IGFBP7: variants seen among roughly 807,000 people sequenced by gnomAD.
IGFBP7 encodes insulin-like growth factor-binding protein 7.
A neutral mutation model predicts 29.4 loss-of-function variants in IGFBP7; 31 were observed. The observed-to-expected ratio is 1.05, with a 90% CI of 0.79 to 1.42. IGFBP7 has a LOEUF of 1.42. Ranked by LOEUF, IGFBP7 falls within the 40% of genes most tolerant of loss-of-function variation. The pLI, the probability that IGFBP7 is intolerant of heterozygous loss-of-function variation, is 0.00. For synonymous variants in IGFBP7, 172 were observed against 174.9 expected, an observed-to-expected ratio of 0.98 and a Z score of 0.13; for missense variants, 393 against 395.5, an observed-to-expected ratio of 0.99 and a Z score of 0.05.
chr4:57,059,482 A>G (rs1724746990), intron 1 of IGFBP7, among the ~76,000 whole-genome samples: 1 of 152,188 alleles, frequency 6.6e-6, no homozygotes, highest in African/African-American at 2.4e-5. Context: ...ATCCTCAGCA[A>G]ACTAACACAG....
intron 1 of IGFBP7, among the ~76,000 whole-genome samples, chr4:57,103,249 C>A (rs1337054074): frequency 6.6e-6 from 1 of 152,214 alleles, no homozygotes; most frequent in Non-Finnish European, 1.5e-5. Flanking sequence ...ATTCTCCCAA[C>A]AGCAGCCAAC....
chr4:57,059,367 C>T (rs6554409), intron 1 of IGFBP7, among the ~76,000 whole-genome samples: 127,234 of 152,142 alleles, frequency 0.84, 53,565 homozygotes, highest in East Asian at 0.97. Context: ...AATGACAGAT[C>T]GAATAAAGAA....
chr4:57,034,184 A>G (rs1339812654), intron 2 of IGFBP7, among the ~76,000 whole-genome samples: 3 of 152,128 alleles, frequency 2.0e-5, no homozygotes, highest in Non-Finnish European at 2.9e-5. Flanking sequence ...CAAGGCCAAT[A>G]CTGAATAGTA....
intron 1 of IGFBP7, among the ~76,000 whole-genome samples, chr4:57,076,693 G>A (rs895842853): frequency 1.3e-5 from 2 of 152,188 alleles, no homozygotes; most frequent in African/African-American, 2.4e-5. Flanking sequence ...AGAAGCCTGG[G>A]GTGGGGACAC....
intron 2 of IGFBP7, among the ~76,000 whole-genome samples, chr4:57,033,930 A>G (rs1272413707): frequency 6.6e-6 from 1 of 151,496 alleles, no homozygotes; most frequent in East Asian, 2.0e-4. Context: ...GAGCACCCGT[A>G]GTCCCAGCTA....
chr4:57,043,272 C>A (rs1724274637), intron 1 of IGFBP7, among the ~76,000 whole-genome samples: 3 of 152,184 alleles, frequency 2.0e-5, no homozygotes, highest in South Asian at 4.1e-4. Flanking sequence ...TAACCTGGCT[C>A]TTATTCCATG....
chr4:57,040,196 T>C (rs1242292830), intron 2 of IGFBP7, among the ~76,000 whole-genome samples: 1 of 152,160 alleles, frequency 6.6e-6, no homozygotes, highest in Admixed American at 6.5e-5. Context: ...CCAAGTGCCC[T>C]TAAAATGTAC....
Position 57,040,933 on chromosome 4 carries a change from C to A in IGFBP7, c.476G>T (p.Gly159Val), listed in dbSNP as rs767867200. ...TQVSKGTCEQGPSIVTPPKDI... is the reference protein window; with the variant it reads ...TQVSKGTCEQVPSIVTPPKDI... Reference sequence around the variant, plus strand: ...CTTGGGGGGCGTCACTATGGAAGGACCTGCAGGAGAGGGCACAAAGCCAAA... The same window carrying A: ...CTTGGGGGGCGTCACTATGGAAGGAACTGCAGGAGAGGGCACAAAGCCAAA... The change falls in exon 2 of 5, where the codon GGT becomes GTT. Residue 159 changes from glycine to valine, a missense_variant and splice_region_variant. Physicochemically the swap from Gly to Val is moderately radical, Grantham distance 109. Coordinates refer to ENST00000295666, the MANE Select transcript of IGFBP7 (RefSeq NM_001553.3). 1.2e-6 allele frequency: 2 copies of A among 1,607,686 alleles called. No individual in the cohort carries two copies. Among genetic ancestry groups the A allele is most frequent in the South Asian group, 1.1e-5 (1 of 90,904 alleles).
intron 1 of IGFBP7, among the ~76,000 whole-genome samples, chr4:57,105,312 C>T (rs969672447): frequency 6.6e-6 from 1 of 152,234 alleles, no homozygotes; most frequent in Non-Finnish European, 1.5e-5. Flanking sequence ...GTATCTTATT[C>T]AAGGCTACTT....
rs1030501982 is a variant in IGFBP7 at position 57,068,514 on chromosome 4, G to A, written c.476-27581C>T. Reference sequence around the variant, plus strand: ...ATGGGCCTAGAAACACATCAGTAACGGCAGAGAAAAATAAAGGAGGCTGAG... The same window carrying A: ...ATGGGCCTAGAAACACATCAGTAACAGCAGAGAAAAATAAAGGAGGCTGAG... On this transcript the variant is annotated intron_variant, in intron 1 of 4. Transcript: ENST00000295666. Among the ~76,000 whole-genome samples, 5 of 152,078 alleles carry A rather than the reference G, an allele frequency of 3.3e-5. No homozygotes were observed. In the East Asian group the frequency reaches 5.8e-4, roughly 18 times the overall value.
chr4:57,097,018 C>A (rs1725778671), intron 1 of IGFBP7, among the ~76,000 whole-genome samples: 1 of 152,076 alleles, frequency 6.6e-6, no homozygotes, highest in African/African-American at 2.4e-5. Context: ...CTTTTTCTGC[C>A]AAACTCTGTG....
Position 57,033,278 on chromosome 4 carries a change from C to T in IGFBP7, c.619G>A (p.Glu207Lys). The T allele has an allele frequency of 6.2e-7, 1 of 1,614,142 alleles. No individual in the cohort carries two copies. Among genetic ancestry groups the T allele is most frequent in the Non-Finnish European group, 8.5e-7 (1 of 1,179,968 alleles). The change falls in exon 3 of 5, where the codon GAA (glutamate) becomes AAA (lysine). Residue 207 changes from glutamate (E) to lysine (K), a missense_variant. Glu to Lys is a moderately conservative substitution (Grantham distance 56). Coordinates refer to ENST00000295666, the MANE Select transcript of IGFBP7 (RefSeq NM_001553.3). ...KRGHYGVQRTELLPGDRDNLA... is the reference protein window; with the variant it reads ...KRGHYGVQRTKLLPGDRDNLA... ...TTGTCCCGGTCACCAGGCAGGAGTT[C>T]TGTCCTTTGAACTCCATAGTGACCC...
chr4:57,055,591 G>T (rs371416639), intron 1 of IGFBP7, among the ~76,000 whole-genome samples: 7 of 152,188 alleles, frequency 4.6e-5, no homozygotes, highest in African/African-American at 1.4e-4. Context: ...ACAGACACCT[G>T]ATAACACCAG....
In IGFBP7 at chr4:57,084,788, G is replaced by GTTTTTTTTTTTTTTTTTTTTTTTTTTT. The variant is rs57704332; in HGVS notation, c.475+25088_475+25089insAAAAAAAAAAAAAAAAAAAAAAAAAAA. On this transcript the variant is annotated intron_variant, in intron 1 of 4. Coordinates refer to ENST00000295666, the MANE Select transcript of IGFBP7 (RefSeq NM_001553.3). ...CTTTTTACTCAGATGTTTAAAAAAG[G>GTTTTTTTTTTTTTTTTTTTTTTTTTTT]TTTTTTTTTTTTTTTTTTTTGGGAC... 1.8e-5 allele frequency among the ~76,000 whole-genome samples: 2 copies of GTTTTTTTTTTTTTTTTTTTTTTTTTTT among 113,104 alleles called. 1 individual carries two copies. Among genetic ancestry groups the GTTTTTTTTTTTTTTTTTTTTTTTTTTT allele is most frequent in the Non-Finnish European group, 3.4e-5 (2 of 58,094 alleles). The allele number at this position is 113,104 out of a possible 152,430, so 74.2% of individuals were successfully genotyped here.
At chr4:57,061,057 G>GA (rs386356933) in intron 1 of IGFBP7, among the ~76,000 whole-genome samples, 2,586 of 116,436 alleles carry the variant, frequency 0.022, 29 homozygotes, top group Middle Eastern at 0.036. Flanking sequence ...TTTCGTCTCT[G>GA]AAAAACAAAA....
chr4:57,106,829 G>C lies in IGFBP7; in HGVS notation c.475+3048C>G, dbSNP rs565307308. 5.9e-5 allele frequency among the ~76,000 whole-genome samples: 9 copies of C among 152,284 alleles called. No homozygotes were observed. In the East Asian group the frequency reaches 1.7e-3, roughly 29 times the overall value. On this transcript the variant is annotated intron_variant, in intron 1 of 4. Transcript: ENST00000295666. ...CTATGAAATTTTATTATATATCTTAGCTTCTTTGTATCAACTTCTTTTTAT... is the reference window on the plus strand; with the variant it reads ...CTATGAAATTTTATTATATATCTTACCTTCTTTGTATCAACTTCTTTTTAT...
chr4:57,076,291 C>T (rs554888921), intron 1 of IGFBP7, among the ~76,000 whole-genome samples: 152 of 152,240 alleles, frequency 1.0e-3, no homozygotes, highest in African/African-American at 3.6e-3. Flanking sequence ...TGGGGGACAC[C>T]AATATTCAGA....
chr4:57,052,698 A>T (rs2109756355), intron 1 of IGFBP7, among the ~76,000 whole-genome samples: 1 of 152,252 alleles, frequency 6.6e-6, no homozygotes, highest in East Asian at 1.9e-4. Context: ...ACCATTCAAT[A>T]CAATGCTGCC....
chr4:57,088,704 A>T (rs1309926038), intron 1 of IGFBP7, among the ~76,000 whole-genome samples: 1 of 152,070 alleles, frequency 6.6e-6, no homozygotes, highest in East Asian at 1.9e-4. Context: ...TATTGTCCCC[A>T]CTTTAAAGAT....
Sources: allele counts gnomAD v4.1 joint callset (sites outside exome capture counted in the v4.1 genomes callset), GRCh38; gene constraint gnomAD v4.1.1; transcripts MANE v1.5; gene names NCBI Gene and HGNC (gene_info 2026-07-23, HGNC 2026-07-21).